The following OPCML variants were observed in gnomAD, a reference collection of about 807,000 sequenced individuals.
OPCML encodes the protein opioid binding protein/cell adhesion molecule like.
A neutral mutation model predicts 37.8 loss-of-function variants in OPCML; 13 were observed. That is an observed-to-expected ratio of 0.34 (90% confidence interval 0.22 to 0.55). The LOEUF (loss-of-function observed/expected upper bound fraction) is 0.55. OPCML is among the 20% of genes least tolerant of loss of function. OPCML has a pLI of 0.91. For missense variants in OPCML, 341 were observed against 435.6 expected (o/e 0.78, Z 1.93); for synonymous variants, 176 against 168.8 (o/e 1.04, Z -0.33).
At chr11:132,584,107 C>G (rs1024155230) in intron 3 of OPCML, among the ~76,000 whole-genome samples, 1 of 151,786 alleles carries the variant, frequency 6.6e-6, no homozygotes, top group Non-Finnish European at 1.5e-5. Flanking sequence ...GATGGTTAAG[C>G]CAGGGCCATT....
intron 2 of OPCML, among the ~76,000 whole-genome samples, chr11:132,923,332 T>G (rs1944876785): frequency 6.6e-6 from 1 of 152,142 alleles, no homozygotes; most frequent in Non-Finnish European, 1.5e-5. Flanking sequence ...ATTCTGTATA[T>G]CTGAGACTGG....
intron 1 of OPCML, among the ~76,000 whole-genome samples, chr11:133,322,846 C>T (rs903810959): frequency 6.6e-6 from 1 of 152,190 alleles, no homozygotes; most frequent in Non-Finnish European, 1.5e-5. Flanking sequence ...TGGAAATTAG[C>T]ATGGTGCCAG....
At chr11:132,658,124 A>T (rs1489856156) in intron 2 of OPCML, among the ~76,000 whole-genome samples, 1 of 152,172 alleles carries the variant, frequency 6.6e-6, no homozygotes, top group East Asian at 1.9e-4. Context: ...TAGGACTGAA[A>T]GTGTTGGACG....
chr11:133,156,140 G>C (rs916348574), intron 1 of OPCML, among the ~76,000 whole-genome samples: 11 of 152,126 alleles, frequency 7.2e-5, no homozygotes, highest in African/African-American at 2.4e-4. Context: ...CTTTGATCTT[G>C]AGGATGAAAT....
chr11:132,681,643 C>T (rs1481047401), intron 2 of OPCML, among the ~76,000 whole-genome samples: 2 of 152,200 alleles, frequency 1.3e-5, no homozygotes, highest in Middle Eastern at 3.4e-3. Flanking sequence ...GACAAGAACT[C>T]GGGTGTGGGT....
intron 2 of OPCML, among the ~76,000 whole-genome samples, chr11:132,678,778 A>G (rs1942817827): frequency 6.6e-6 from 1 of 152,160 alleles, no homozygotes. Context: ...TAGTTGAACT[A>G]CTCTGTATAA....
At chr11:133,037,563 C>A (rs1447275342) in intron 1 of OPCML, among the ~76,000 whole-genome samples, 1 of 152,136 alleles carries the variant, frequency 6.6e-6, no homozygotes, top group Non-Finnish European at 1.5e-5. Flanking sequence ...TATATGAGAT[C>A]ATTTTGCCAC....
Position 132,586,120 on chromosome 11 carries a change from C to A in OPCML, c.380-56934G>T, listed in dbSNP as rs145208427. Reference sequence around the variant, plus strand: ...GGGATCATTTCAGTTCCCAAATGTACAATAGGATGGGCACTGCACCCACAT... The same window carrying A: ...GGGATCATTTCAGTTCCCAAATGTAAAATAGGATGGGCACTGCACCCACAT... On this transcript the variant is annotated intron_variant, in intron 3 of 7. Transcript: ENST00000524381. Among the ~76,000 whole-genome samples the A allele has an allele frequency of 6.6e-4, 100 of 152,172 alleles. 3 individuals carry two copies. The East Asian group carries it at 0.019, about 29-fold the overall frequency.
intron 1 of OPCML, chr11:133,422,402 T>TATATATATATATATATATATAA: frequency 1.1e-6 from 1 of 951,388 alleles, no homozygotes; most frequent in Non-Finnish European, 1.2e-6. Context: ...TATGTATATA[T>TATATATATATATATATATATAA]GCGCCAGTTC....
chr11:132,756,388 AAAAC>A (rs537546321), intron 2 of OPCML, among the ~76,000 whole-genome samples: 34 of 152,302 alleles, frequency 2.2e-4, no homozygotes, highest in African/African-American at 7.7e-4. Flanking sequence ...CTTGGCAGCA[AAAAC>A]AAACAGAGAC....
chr11:132,788,019 T>G (rs1224505656), intron 2 of OPCML, among the ~76,000 whole-genome samples: 1 of 152,166 alleles, frequency 6.6e-6, no homozygotes, highest in Non-Finnish European at 1.5e-5. Context: ...TAGCTGGGAC[T>G]ACAGGCGCAC....
chr11:132,494,894 G>A lies in OPCML; in HGVS notation c.505+34167C>T, dbSNP rs572616084. On this transcript the variant is annotated intron_variant, in intron 4 of 7. Transcript: ENST00000524381. Reference sequence around the variant, plus strand: ...TGGTTTCCTTTAGAAGAAACAAGAGGAAGCTATTAATTGTCTTAAGACTCA... The same window carrying A: ...TGGTTTCCTTTAGAAGAAACAAGAGAAAGCTATTAATTGTCTTAAGACTCA... Among the ~76,000 whole-genome samples the A allele has an allele frequency of 3.9e-5, 6 of 152,282 alleles. No homozygotes were observed. The East Asian group carries it at 7.7e-4, about 20-fold the overall frequency.
chr11:133,313,129 G>A lies in OPCML; in HGVS notation c.61+219135C>T, dbSNP rs531819576. On this transcript the variant is annotated intron_variant, in intron 1 of 7. Coordinates refer to ENST00000524381, the MANE Select transcript of OPCML (RefSeq NM_001012393.5). Reference sequence around the variant, plus strand: ...ATGATATACTTCTTTATTTATATGCGGTCTGCATCCCCATCGCCATATAAA... The same window carrying A: ...ATGATATACTTCTTTATTTATATGCAGTCTGCATCCCCATCGCCATATAAA... 5.9e-5 allele frequency among the ~76,000 whole-genome samples: 9 copies of A among 152,106 alleles called. No homozygotes were observed. The East Asian group carries it at 1.5e-3, about 26-fold the overall frequency.
intron 1 of OPCML, among the ~76,000 whole-genome samples, chr11:133,087,008 G>C (rs1350869496): frequency 1.3e-5 from 2 of 152,170 alleles, no homozygotes; most frequent in Admixed American, 1.3e-4. Flanking sequence ...CCTGAGATGA[G>C]ATTGCACTTA....
At chr11:133,260,471 A>G (rs1053583256) in intron 1 of OPCML, among the ~76,000 whole-genome samples, 2 of 152,124 alleles carry the variant, frequency 1.3e-5, no homozygotes, top group African/African-American at 4.8e-5. Flanking sequence ...ATAAGGACGT[A>G]CAGTCCTCAA....
At chr11:133,359,589 A>C (rs927796620) in intron 1 of OPCML, among the ~76,000 whole-genome samples, 2 of 152,216 alleles carry the variant, frequency 1.3e-5, no homozygotes, top group African/African-American at 4.8e-5. Flanking sequence ...AGAGGATCAG[A>C]TACATTAAAT....
chr11:132,963,892 G>C (rs1399536586), intron 1 of OPCML, among the ~76,000 whole-genome samples: 2 of 152,116 alleles, frequency 1.3e-5, no homozygotes, highest in Non-Finnish European at 2.9e-5. Flanking sequence ...AGGGCCACCA[G>C]CTGCATCTTG....
chr11:133,193,974 A>C (rs1005406666), intron 1 of OPCML, among the ~76,000 whole-genome samples: 1 of 152,340 alleles, frequency 6.6e-6, no homozygotes, highest in South Asian at 2.1e-4. Flanking sequence ...AAAAAGAGGA[A>C]GTTTTCAAAA....
At chr11:133,267,736 A>C (rs946708143) in intron 1 of OPCML, among the ~76,000 whole-genome samples, 1 of 152,062 alleles carries the variant, frequency 6.6e-6, no homozygotes, top group Admixed American at 6.6e-5. Flanking sequence ...TAATTGAATC[A>C]TGTGGATGGG....
Sources: gnomAD v4.1 joint callset for allele counts (sites outside exome capture counted in the v4.1 genomes callset) on GRCh38, gnomAD v4.1.1 for gene constraint, MANE v1.5 for transcripts, NCBI Gene and HGNC (gene_info 2026-07-23, HGNC 2026-07-21) for gene names.